Variants in SRGAP3 observed in about 807,000 individuals in gnomAD.
SRGAP3 encodes the protein SLIT-ROBO Rho GTPase activating protein 3, also known as SLIT-ROBO Rho GTPase-activating protein 3.
Under a neutral mutation model 121.1 loss-of-function variants are expected in SRGAP3, and 39 were observed. That is an observed-to-expected ratio of 0.32 (90% CI 0.25 to 0.42). The LOEUF is 0.42. Ranked by LOEUF, SRGAP3 falls within the 10% of genes least tolerant of loss-of-function variation. The pLI is 1.00. For synonymous variants in SRGAP3, 601 were observed against 570.0 expected, an observed-to-expected ratio of 1.05 and a Z score of -0.77; for missense variants, 1,213 against 1,470.6, an observed-to-expected ratio of 0.82 and a Z score of 2.86.
In SRGAP3 at chr3:8,990,621, G is replaced by C; in HGVS notation, c.2777C>G (p.Pro926Arg). ...TFGSAGSINY[P>R]DKKALSEGHS... ...CCCTTCGGAGAGCGCCTTCTTGTCA[G>C]GGTAGTTGATGCTGCCAGCGCTCCC... The change falls in exon 21 of 22, where the codon CCT becomes CGT. Residue 926 changes from proline (P) to arginine (R), a missense_variant. Coordinates refer to ENST00000383836, the MANE Select transcript of SRGAP3 (RefSeq NM_014850.4). 1.2e-6 allele frequency: 2 copies of C among 1,613,264 alleles called. No individual in the cohort carries two copies. The highest frequency in any genetic ancestry group is 2.2e-5 in the South Asian group (2 of 90,912).
At chr3:9,297,465 A>G (rs1954970777) in intron 3 of SRGAP3, among the ~76,000 whole-genome samples, 1 of 152,156 alleles carries the variant, frequency 6.6e-6, no homozygotes, top group African/African-American at 2.4e-5. Context: ...TGTGTCTCCA[A>G]AATGCACATG....
intron 4 of SRGAP3, among the ~76,000 whole-genome samples, chr3:9,074,565 T>C (rs1188674058): frequency 6.6e-6 from 1 of 152,156 alleles, no homozygotes; most frequent in Non-Finnish European, 1.5e-5. Flanking sequence ...GGCCCAAAGA[T>C]AGGATGAAGC....
chr3:9,333,415 C>G (rs1421226502), intron 1 of SRGAP3, among the ~76,000 whole-genome samples: 1 of 152,026 alleles, frequency 6.6e-6, no homozygotes, highest in East Asian at 1.9e-4. Context: ...CCTTTCCTTC[C>G]TCTCCATTTC....
chr3:9,126,891 A>C (rs1041494726), intron 1 of SRGAP3, among the ~76,000 whole-genome samples: 1 of 152,224 alleles, frequency 6.6e-6, no homozygotes, highest in African/African-American at 2.4e-5. Flanking sequence ...CTATGCATGT[A>C]ACAAAATTAC....
At chr3:9,037,000 G>C (rs73026066) in intron 11 of SRGAP3, 1 of 152,204 alleles carries the variant, frequency 6.6e-6, no homozygotes, top group Non-Finnish European at 1.5e-5. Context: ...CAAGCCCTCC[G>C]TCTCCCCATC....
At chr3:9,161,496 G>A (rs1208346005) in intron 1 of SRGAP3, among the ~76,000 whole-genome samples, 3 of 152,194 alleles carry the variant, frequency 2.0e-5, no homozygotes, top group Non-Finnish European at 2.9e-5. Context: ...CTTGCCCAAG[G>A]TCACGTGGGC....
intron 1 of SRGAP3, among the ~76,000 whole-genome samples, chr3:9,126,657 A>C (rs372418090): frequency 0.023 from 3,404 of 150,746 alleles, 45 homozygotes; most frequent in Non-Finnish European, 0.029. Context: ...AAATAAATAA[A>C]TAAATAAATA....
chr3:9,064,403 T>C lies in SRGAP3; in HGVS notation c.665A>G (p.Lys222Arg). ...RSSVKKIEKM[K>R]EKRQAKYSEN... ...CCCAGGGCCCCCACTCACCTTCTCCTTCATCTTCTCAATCTTCTTCACAGA... is the reference window on the plus strand; with the variant it reads ...CCCAGGGCCCCCACTCACCTTCTCCCTCATCTTCTCAATCTTCTTCACAGA... The change falls in exon 5 of 22, where the codon AAG becomes AGG. Residue 222 changes from lysine (K) to arginine (R), a missense_variant. Lys to Arg is a conservative substitution (Grantham distance 26). Coordinates refer to ENST00000383836, the MANE Select transcript of SRGAP3 (RefSeq NM_014850.4). The C allele has an allele frequency of 6.2e-7, 1 of 1,614,164 alleles. No homozygotes were observed. The highest frequency in any genetic ancestry group is 8.5e-7 in the Non-Finnish European group (1 of 1,180,006).
At chr3:9,303,163 G>T (rs1166859437) in intron 3 of SRGAP3, among the ~76,000 whole-genome samples, 1 of 152,076 alleles carries the variant, frequency 6.6e-6, no homozygotes, top group Admixed American at 6.6e-5. Context: ...GGTGGCTCAT[G>T]TCTGTAATCC....
chr3:9,084,712 T>A (rs568918694), intron 3 of SRGAP3, among the ~76,000 whole-genome samples: 1 of 152,332 alleles, frequency 6.6e-6, no homozygotes, highest in African/African-American at 2.4e-5. Context: ...CAGATTCACT[T>A]TGTTAAGAGG....
chr3:9,013,173 T>G, intron 17 of SRGAP3, 135 bp downstream of exon 17: 1 of 849,040 alleles, frequency 1.2e-6, no homozygotes, highest in Non-Finnish European at 1.9e-6. Context: ...GAAGCTGCTG[T>G]GAAGCTCAGA....
chr3:9,081,533 G>A (rs1288766197), intron 3 of SRGAP3, among the ~76,000 whole-genome samples: 1 of 152,230 alleles, frequency 6.6e-6, no homozygotes, highest in African/African-American at 2.4e-5. Context: ...AGGGGGAGCA[G>A]GGGCTTCTAA....
At chr3:9,022,670 A>T (rs1184672844) in intron 14 of SRGAP3, among the ~76,000 whole-genome samples, 1 of 152,176 alleles carries the variant, frequency 6.6e-6, no homozygotes, top group Non-Finnish European at 1.5e-5. Flanking sequence ...CCAACCCAGA[A>T]AATCCAGGAA....
intron 3 of SRGAP3, among the ~76,000 whole-genome samples, chr3:9,262,747 C>T (rs1279618851): frequency 1.3e-5 from 2 of 152,194 alleles, no homozygotes; most frequent in South Asian, 2.1e-4. Context: ...TACAAAGAGA[C>T]TTAGACTCCC....
intron 2 of SRGAP3, among the ~76,000 whole-genome samples, chr3:9,111,894 T>C (rs1294517004): frequency 6.6e-6 from 1 of 152,212 alleles, no homozygotes; most frequent in African/African-American, 2.4e-5. Flanking sequence ...AACTAAGACA[T>C]CACGTTAGAA....
intron 1 of SRGAP3, among the ~76,000 whole-genome samples, chr3:9,152,165 C>G (rs1046209798): frequency 6.6e-6 from 1 of 152,208 alleles, no homozygotes; most frequent in Non-Finnish European, 1.5e-5. Flanking sequence ...CATAGGTGCT[C>G]AATCCTTGTT....
intron 1 of SRGAP3, among the ~76,000 whole-genome samples, chr3:9,155,162 C>G (rs1162386481): frequency 6.6e-6 from 1 of 152,142 alleles, no homozygotes; most frequent in African/African-American, 2.4e-5. Flanking sequence ...CTCCCGAGTG[C>G]TAGTTTAGCT....
intron 15 of SRGAP3, among the ~76,000 whole-genome samples, chr3:9,015,115 C>G (rs1181445556): frequency 1.3e-5 from 2 of 152,142 alleles, no homozygotes; most frequent in Non-Finnish European, 2.9e-5. Context: ...CTGACCTGAC[C>G]TCTAGACCTT....
intron 3 of SRGAP3, among the ~76,000 whole-genome samples, chr3:9,282,642 T>C (rs572006190): frequency 4.0e-5 from 6 of 151,120 alleles, no homozygotes; most frequent in Admixed American, 2.6e-4. Context: ...AGGTGCCCAC[T>C]ACCATGCCTG....
Sources: allele counts gnomAD v4.1 joint callset (sites outside exome capture counted in the v4.1 genomes callset), GRCh38; gene constraint gnomAD v4.1.1; transcripts MANE v1.5; gene names NCBI Gene and HGNC (gene_info 2026-07-23, HGNC 2026-07-21).